The following LUZP2 variants were observed in gnomAD, a reference collection of about 807,000 sequenced individuals.
LUZP2 encodes the protein leucine zipper protein 2.
In LUZP2, 52 loss-of-function variants were observed where a neutral mutation model predicts 51.6. The observed-to-expected ratio is 1.01, with a 90% CI of 0.81 to 1.27. The LOEUF (loss-of-function observed/expected upper bound fraction) is 1.27. Among genes scored for constraint, LUZP2 ranks in the 50% most tolerant of loss-of-function variants. The pLI is 0.00. For missense variants in LUZP2, 436 were observed against 395.4 expected (o/e 1.10, Z -0.87); for synonymous variants, 154 against 137.3 (o/e 1.12, Z -0.85).
intron 1 of LUZP2, among the ~76,000 whole-genome samples, chr11:24,546,951 TTGTTGTTGTTGTTGG>T (rs753558212): frequency 0.01 from 885 of 85,374 alleles, 6 homozygotes; most frequent in African/African-American, 0.031. Context: ...TTTGTTGTTG[TTGTTGTTGTTGTTGG>T]TGGTGGTGGT....
chr11:24,846,586 T>C (rs911877360), intron 5 of LUZP2, among the ~76,000 whole-genome samples: 2 of 152,074 alleles, frequency 1.3e-5, no homozygotes, highest in Non-Finnish European at 2.9e-5. Flanking sequence ...TAGTTGTCTA[T>C]TAAAGAGAAT....
chr11:24,696,399 T>C lies in LUZP2; in HGVS notation c.63-32770T>C, dbSNP rs139111387. On this transcript the variant is annotated intron_variant, in intron 1 of 11. Coordinates refer to ENST00000336930, the MANE Select transcript of LUZP2 (RefSeq NM_001009909.4). ...CTCCTTTATAGCTTATCATACAATGTTAATTCAATTATCTTTACAATAGAA... is the reference window on the plus strand; with the variant it reads ...CTCCTTTATAGCTTATCATACAATGCTAATTCAATTATCTTTACAATAGAA... Among the ~76,000 whole-genome samples the C allele has an allele frequency of 1.8e-3, 277 of 152,288 alleles. 1 individual carries two copies. Among genetic ancestry groups the C allele is most frequent in the African/African-American group, 6.2e-3 (257 of 41,582 alleles).
intron 1 of LUZP2, among the ~76,000 whole-genome samples, chr11:24,598,233 G>A (rs1170121910): frequency 2.0e-5 from 3 of 152,104 alleles, no homozygotes; most frequent in East Asian, 3.9e-4. Flanking sequence ...AAAGCAAAAT[G>A]AGAGTTATTT....
At chr11:24,675,458 C>A (rs1373275436) in intron 1 of LUZP2, among the ~76,000 whole-genome samples, 1 of 152,088 alleles carries the variant, frequency 6.6e-6, no homozygotes, top group Non-Finnish European at 1.5e-5. Flanking sequence ...TCACATTATG[C>A]AGTGTTTGTA....
intron 4 of LUZP2, among the ~76,000 whole-genome samples, chr11:24,741,958 ATATATAAATATATACATTTATATATT>A (rs1565111036): frequency 8.8e-5 from 11 of 124,708 alleles, no homozygotes; most frequent in Middle Eastern, 3.8e-3. Flanking sequence ...TTTATATATT[ATATATAAATATATACATTTATATATT>A]ATATATAAAT....
At chr11:24,788,129 C>T (rs921553102) in intron 5 of LUZP2, among the ~76,000 whole-genome samples, 9 of 151,052 alleles carry the variant, frequency 6.0e-5, no homozygotes, top group Admixed American at 5.3e-4. Context: ...GTAAATTTAA[C>T]AGTACCTTAA....
chr11:24,854,650 A>G (rs549827605), intron 5 of LUZP2, among the ~76,000 whole-genome samples: 1 of 137,258 alleles, frequency 7.3e-6, no homozygotes, highest in Admixed American at 7.8e-5. Flanking sequence ...CTGGCATTCC[A>G]GGCATCACTG....
intron 5 of LUZP2, among the ~76,000 whole-genome samples, chr11:24,795,654 G>T (rs1849525826): frequency 6.6e-6 from 1 of 152,060 alleles, no homozygotes; most frequent in Non-Finnish European, 1.5e-5. Context: ...CTCCTCTGTT[G>T]CTTTGTCAGC....
chr11:24,787,806 C>A (rs1564892049), intron 5 of LUZP2, among the ~76,000 whole-genome samples: 1 of 152,080 alleles, frequency 6.6e-6, no homozygotes, highest in East Asian at 1.9e-4. Flanking sequence ...ATTATTATTT[C>A]TTTTTTGAAA....
At chr11:24,861,397 A>C (rs1851737295) in intron 5 of LUZP2, among the ~76,000 whole-genome samples, 1 of 152,200 alleles carries the variant, frequency 6.6e-6, no homozygotes, top group African/African-American at 2.4e-5. Flanking sequence ...GAATGTAAGG[A>C]AATGTAAGAA....
intron 10 of LUZP2, 94 bp from the exon 11 acceptor site, chr11:25,077,235 C>T: frequency 1.1e-6 from 1 of 933,822 alleles, no homozygotes; most frequent in Admixed American, 1.8e-5. Flanking sequence ...ATAGAATCTT[C>T]TCAACAGGAA....
At chr11:24,723,583 TGGGAG>T (rs1321095399) in intron 1 of LUZP2, among the ~76,000 whole-genome samples, 1 of 152,206 alleles carries the variant, frequency 6.6e-6, no homozygotes, top group Non-Finnish European at 1.5e-5. Flanking sequence ...CCCAGCACTT[TGGGAG>T]GCTGAGGCAG....
intron 1 of LUZP2, among the ~76,000 whole-genome samples, chr11:24,605,722 C>A (rs765266587): frequency 6.6e-6 from 1 of 151,632 alleles, no homozygotes; most frequent in Non-Finnish European, 1.5e-5. Flanking sequence ...ATAATTAAAA[C>A]ATTTGTATAC....
At chr11:24,997,521 C>A (rs1190860550) in intron 9 of LUZP2, among the ~76,000 whole-genome samples, 1 of 152,078 alleles carries the variant, frequency 6.6e-6, no homozygotes, top group African/African-American at 2.4e-5. Flanking sequence ...AGATATTAGC[C>A]CTTTGTCAGA....
At chr11:25,077,945 C>A (rs1340461451) in intron 11 of LUZP2, among the ~76,000 whole-genome samples, 1 of 152,124 alleles carries the variant, frequency 6.6e-6, no homozygotes, top group Non-Finnish European at 1.5e-5. Flanking sequence ...ATATGAGGCT[C>A]TCAGAAGGTC....
intron 1 of LUZP2, among the ~76,000 whole-genome samples, chr11:24,594,887 G>A (rs1323229615): frequency 6.7e-6 from 1 of 149,660 alleles, no homozygotes; most frequent in Admixed American, 6.8e-5. Context: ...AGCCTCCTGT[G>A]TAGCTGGGAT....
intron 5 of LUZP2, among the ~76,000 whole-genome samples, chr11:24,810,271 A>G (rs1440004992): frequency 6.6e-6 from 1 of 152,124 alleles, no homozygotes; most frequent in Non-Finnish European, 1.5e-5. Context: ...TACCCAGATT[A>G]CTGTGCATTT....
intron 10 of LUZP2, among the ~76,000 whole-genome samples, chr11:25,065,744 A>C (rs925138149): frequency 6.6e-6 from 1 of 152,070 alleles, no homozygotes; most frequent in Non-Finnish European, 1.5e-5. Flanking sequence ...AGAATATATC[A>C]GTGTGACAAA....
At chr11:24,581,930 C>T (rs1025796369) in intron 1 of LUZP2, among the ~76,000 whole-genome samples, 1 of 151,978 alleles carries the variant, frequency 6.6e-6, no homozygotes, top group African/African-American at 2.4e-5. Flanking sequence ...AATACTTGGG[C>T]TTTGTTCAGC....
Sources: allele counts gnomAD v4.1 joint callset (sites outside exome capture counted in the v4.1 genomes callset), GRCh38; gene constraint gnomAD v4.1.1; transcripts MANE v1.5; gene names NCBI Gene and HGNC (gene_info 2026-07-23, HGNC 2026-07-21).